Variants in CPAMD8 observed in about 807,000 individuals in gnomAD.
CPAMD8 encodes the protein C3 and PZP-like alpha-2-macroglobulin domain-containing protein 8.
A neutral mutation model predicts 224.7 loss-of-function variants in CPAMD8; 146 were observed. The ratio of observed to expected loss-of-function variants is 0.65; its 90% CI spans 0.57 to 0.75. The LOEUF (loss-of-function observed/expected upper bound fraction) is 0.75, where lower values mean the gene tolerates loss of function less well. Among genes scored for constraint, CPAMD8 ranks in the 30% least tolerant of loss-of-function variants. The pLI is 0.00. For synonymous variants in CPAMD8, 966 were observed against 1,044.6 expected (o/e 0.92, Z 1.45); for missense variants, 2,301 against 2,537.5 (o/e 0.91, Z 2.00).
chr19:17,005,582 C>T (rs972224260), intron 7 of CPAMD8, among the ~76,000 whole-genome samples: 22 of 152,110 alleles, frequency 1.4e-4, no homozygotes, highest in African/African-American at 4.8e-4. Flanking sequence ...GGAAAGGGCA[C>T]ATTGACTCTA....
Position 16,929,075 on chromosome 19 carries a change from C to A in CPAMD8, c.3011G>T (p.Gly1004Val), listed in dbSNP as rs1389002695. ...GATCCATGACCTGGTGTTCTGATGCCCCCCCAGGACGATCTCGATCATGCC... is the reference window on the plus strand; with the variant it reads ...GATCCATGACCTGGTGTTCTGATGCACCCCCAGGACGATCTCGATCATGCC... ...TAGMIEIVLG[G>V]HQNTRSWIST... Residue 1004 changes from glycine (G) to valine (V), a missense_variant, in exon 24 of 42, where the codon GGG becomes GTG. By Grantham distance (109) the Gly-to-Val change is moderately radical. Around this residue, in one of 4 missense-constraint regions of CPAMD8, gnomAD observed 1,709 missense variants for 1,753.2 expected, o/e 0.97. Transcript: ENST00000443236. The A allele has an allele frequency of 1.9e-6, 3 of 1,613,822 alleles. No homozygotes were observed. Among genetic ancestry groups the A allele is most frequent in the Non-Finnish European group, 2.5e-6 (3 of 1,179,880 alleles).
rs566008621 is a variant in CPAMD8, at chr19:16,923,356, C to A, written c.3548-1370G>T. 1.2e-3 allele frequency among the ~76,000 whole-genome samples: 183 copies of A among 152,216 alleles called. 1 individual carries two copies. The highest frequency in any genetic ancestry group is 4.3e-3 in the African/African-American group (178 of 41,536). On this transcript the variant is annotated intron_variant, in intron 26 of 41. Coordinates refer to ENST00000443236, the MANE Select transcript of CPAMD8 (RefSeq NM_015692.5). ...CAGTGGCGGCGACAGAGGTGGGGAG[C>A]CTTCCTGGGGTGAAGGCAGAGCTAC...
intron 20 of CPAMD8, 58 bp downstream of exon 20, chr19:16,951,911 A>G: frequency 1.8e-6 from 2 of 1,090,290 alleles, no homozygotes; most frequent in Non-Finnish European, 2.7e-6. Context: ...TATAGCACCA[A>G]TGCAGTCCCA....
At position 16,997,132 on chromosome 19, in the gene CPAMD8, C is replaced by G; in HGVS notation, c.1074G>C (p.Pro358=). 1 of 1,607,208 alleles carries G rather than the reference C, an allele frequency of 6.2e-7. No individual in the cohort carries two copies. The highest frequency in any genetic ancestry group is 8.5e-7 in the Non-Finnish European group (1 of 1,173,884). The change falls in exon 11 of 42, where the codon CCG becomes CCC. Residue 358 remains proline (P), a synonymous_variant. Transcript: ENST00000443236. ...YSKDTRKQFK[P]GLAYVGKVEL... ...TTACCTTCCCCACGTAGGCCAGGCC[C>G]GGCTTGAACTGCTTCCTCGTGTCCT... is the stretch of plus-strand genomic sequence containing the variant.
In CPAMD8 at chr19:16,957,900, T is replaced by C. The variant is rs765214542; in HGVS notation, c.2229A>G (p.Lys743=). 7 of 1,614,074 alleles carry C rather than the reference T, an allele frequency of 4.3e-6. No homozygotes were observed. In the South Asian group the frequency reaches 7.7e-5, roughly 18 times the overall value. Residue 743 remains lysine, a synonymous_variant, in exon 19 of 42, where the codon AAA becomes AAG. Coordinates refer to ENST00000443236, the MANE Select transcript of CPAMD8 (RefSeq NM_015692.5). ...SRHPPRTEKR[K]RTFFPETWIW... ...TCCATGTTTCGGGGAAGAAAGTCCT[T>C]TTTCTCTTCTCTGTTCTATGAAAAG... is the stretch of plus-strand genomic sequence containing the variant.
Position 16,972,559 on chromosome 19 carries a change from T to C in CPAMD8, c.2071-1526A>G, listed in dbSNP as rs996997777. Among the ~76,000 whole-genome samples the C allele has an allele frequency of 2.0e-5, 3 of 152,076 alleles. No homozygotes were observed. In the South Asian group the frequency reaches 6.2e-4, roughly 32 times the overall value. On this transcript the variant is annotated intron_variant, in intron 17 of 41. Coordinates refer to ENST00000443236, the MANE Select transcript of CPAMD8 (RefSeq NM_015692.5). Reference sequence around the variant, plus strand: ...GCCATTCTCTCCTGCCTCATTCTCCTGAGTAGCTGGGACTACTGGCGCCCG... The same window carrying C: ...GCCATTCTCTCCTGCCTCATTCTCCCGAGTAGCTGGGACTACTGGCGCCCG...
intron 25 of CPAMD8, 108 bp downstream of exon 25, chr19:16,927,900 AC>A: frequency 1.3e-6 from 1 of 776,858 alleles, no homozygotes; most frequent in Non-Finnish European, 2.2e-6. Context: ...ATGGGTGGAC[AC>A]CCCAAGACAC....
At chr19:16,923,065 C>T (rs766875362) in intron 26 of CPAMD8, among the ~76,000 whole-genome samples, 1 of 152,172 alleles carries the variant, frequency 6.6e-6, no homozygotes, top group Non-Finnish European at 1.5e-5. Context: ...ACTGCTGGGG[C>T]GAGAGCTTGG....
chr19:16,910,247 G>C (rs377649809), intron 29 of CPAMD8, among the ~76,000 whole-genome samples: 2 of 149,224 alleles, frequency 1.3e-5, no homozygotes, highest in African/African-American at 2.5e-5. Context: ...TCAGCTCACC[G>C]CAATCTCCGC....
At chr19:16,989,213 G>T in intron 13 of CPAMD8, among the ~76,000 whole-genome samples, 1 of 152,200 alleles carries the variant, frequency 6.6e-6, no homozygotes, top group African/African-American at 2.4e-5. Flanking sequence ...CCGTGCCCCC[G>T]TCTGTGGAAA....
intron 27 of CPAMD8, among the ~76,000 whole-genome samples, 180 bp from the exon 28 acceptor site, chr19:16,914,993 A>G (rs927552659): frequency 3.9e-5 from 6 of 152,198 alleles, no homozygotes; most frequent in African/African-American, 1.2e-4. Context: ...CACATTGCCC[A>G]GCACCCAGTG....
In CPAMD8 at chr19:16,983,164, A is replaced by G. The variant is rs530802510; in HGVS notation, c.1396-2478T>C. Reference sequence around the variant, plus strand: ...ACGTCTGTAATCCCAGTACTTTGGGAGGCCAAGGCAAGCGGATCACCTAAG... The same window carrying G: ...ACGTCTGTAATCCCAGTACTTTGGGGGGCCAAGGCAAGCGGATCACCTAAG... On this transcript the variant is annotated intron_variant, in intron 13 of 41. Coordinates refer to ENST00000443236, the MANE Select transcript of CPAMD8 (RefSeq NM_015692.5). Among the ~76,000 whole-genome samples, 13 of 152,260 alleles carry G rather than the reference A, an allele frequency of 8.5e-5. 1 individual carries two copies. The South Asian group carries it at 1.7e-3, about 19-fold the overall frequency.
At chr19:16,924,777 G>T (rs1054962335) in intron 26 of CPAMD8, among the ~76,000 whole-genome samples, 1 of 151,940 alleles carries the variant, frequency 6.6e-6, no homozygotes, top group Non-Finnish European at 1.5e-5. Flanking sequence ...AGAGACCGGG[G>T]TCTTGCTTTG....
chr19:16,947,270 C>G, intron 20 of CPAMD8, 43 bp from the exon 21 acceptor site: 1 of 1,579,304 alleles, frequency 6.3e-7, no homozygotes, highest in East Asian at 2.3e-5. Flanking sequence ...GAATCCAGAC[C>G]CCCTCCCAGT....
intron 30 of CPAMD8, among the ~76,000 whole-genome samples, chr19:16,906,353 T>TCTTTCTTTCTTG (rs2052485280): frequency 2.7e-5 from 1 of 37,430 alleles, no homozygotes; most frequent in Non-Finnish European, 5.9e-5. Context: ...TTTCTTTCTT[T>TCTTTCTTTCTTG]CTTTCTTTCT....
At chr19:16,982,825 G>C (rs1201780388) in intron 13 of CPAMD8, among the ~76,000 whole-genome samples, 1 of 152,108 alleles carries the variant, frequency 6.6e-6, no homozygotes, top group Non-Finnish European at 1.5e-5. Context: ...GGGTGCTATG[G>C]TTTGGCTGTG....
At chr19:17,005,286 T>C (rs1240035271) in intron 7 of CPAMD8, among the ~76,000 whole-genome samples, 1 of 152,136 alleles carries the variant, frequency 6.6e-6, no homozygotes, top group Non-Finnish European at 1.5e-5. Flanking sequence ...ACTCACCAGA[T>C]GCCAGTTGCA....
intron 18 of CPAMD8, among the ~76,000 whole-genome samples, chr19:16,960,705 C>T (rs966112410): frequency 1.3e-5 from 2 of 151,812 alleles, no homozygotes; most frequent in Non-Finnish European, 2.9e-5. Context: ...AGTTCAAGAC[C>T]AGCCTGGCCA....
chr19:16,991,838 G>C (rs2055962521), intron 12 of CPAMD8, among the ~76,000 whole-genome samples: 1 of 145,630 alleles, frequency 6.9e-6, no homozygotes, highest in South Asian at 2.2e-4. Context: ...TTGGGCGACA[G>C]AGCAAGACTC....
Sources: allele counts gnomAD v4.1 joint callset (sites outside exome capture counted in the v4.1 genomes callset), GRCh38; gene constraint gnomAD v4.1.1; regional missense constraint gnomAD v4.1.1; transcripts MANE v1.5; gene names NCBI Gene and HGNC (gene_info 2026-07-23, HGNC 2026-07-21).